TAT: variants seen among roughly 807,000 people sequenced by gnomAD.
The protein encoded by TAT is tyrosine aminotransferase, also known as L-tyrosine:2-oxoglutarate aminotransferase.
TAT carries 35 observed loss-of-function variants against 53.6 expected under a neutral mutation model. The observed-to-expected ratio is 0.65, with a 90% CI of 0.50 to 0.87. The LOEUF (loss-of-function observed/expected upper bound fraction) is 0.87, where lower values mean the gene tolerates loss of function less well. TAT is among the 40% of genes least tolerant of loss of function. The pLI, the probability that TAT is intolerant of heterozygous loss-of-function variation, is 0.00. For synonymous variants in TAT, 197 were observed against 206.5 expected (o/e 0.95, Z 0.39); for missense variants, 525 against 571.8 (o/e 0.92, Z 0.83).
intron 3 of TAT, chr16:71,575,479 A>ATGTGC (rs2145235336): frequency 5.3e-6 from 1 of 188,562 alleles, no homozygotes. Flanking sequence ...TTGCATTTCA[A>ATGTGC]TGTGCTCAGG....
intron 3 of TAT, among the ~76,000 whole-genome samples, chr16:71,574,824 G>A (rs2044225753): frequency 6.6e-6 from 1 of 152,106 alleles, no homozygotes; most frequent in Non-Finnish European, 1.5e-5. Context: ...AAGGCTAGAG[G>A]CACTATTTCA....
chr16:71,576,130 A>T, intron 2 of TAT, 51 bp downstream of exon 2: 1 of 1,609,242 alleles, frequency 6.2e-7, no homozygotes, highest in Non-Finnish European at 8.5e-7. Flanking sequence ...GCCTGTGAAC[A>T]TGAGAGTAGA....
chr16:71,572,053 T>A (rs1459541281), intron 6 of TAT, 133 bp downstream of exon 6: 2 of 1,119,498 alleles, frequency 1.8e-6, no homozygotes, highest in Non-Finnish European at 2.7e-6. Context: ...ACAGTATTGA[T>A]GAGAGACATC....
chr16:71,575,870 G>A, intron 3 of TAT, 52 bp downstream of exon 3: 3 of 1,481,428 alleles, frequency 2.0e-6, no homozygotes, highest in South Asian at 1.1e-5. Flanking sequence ...CCTGTTATAA[G>A]AGCACTAAAG....
At chr16:71,576,072 C>T (rs2044233022) in intron 2 of TAT, 46 bp from the exon 3 acceptor site, 1 of 1,611,294 alleles carries the variant, frequency 6.2e-7, no homozygotes, top group South Asian at 1.1e-5. Flanking sequence ...GGTTATTCTC[C>T]CATGTTCAGT....
At chr16:71,570,868 T>G (rs754307212) in intron 7 of TAT, 37 bp from the exon 8 acceptor site, 2 of 1,606,878 alleles carry the variant, frequency 1.2e-6, no homozygotes, top group African/African-American at 2.7e-5. Context: ...TTTTCTTGTC[T>G]ACTTCTCACT....
chr16:71,572,675 G>A lies in TAT; in HGVS notation c.422C>T (p.Thr141Ile). The A allele has an allele frequency of 6.2e-7, 1 of 1,614,232 alleles. No homozygotes were observed. Among genetic ancestry groups the A allele is most frequent in the Non-Finnish European group, 8.5e-7 (1 of 1,180,038 alleles). The part of the protein sequence containing the change: ...APLEAKDVIL[T>I]SGCSQAIDLC... ...GTCAATAGCTTGGCTGCAGCCACTTGTCAGAATGACGTCCTGTGAAGGAAA... is the reference window on the plus strand; with the variant it reads ...GTCAATAGCTTGGCTGCAGCCACTTATCAGAATGACGTCCTGTGAAGGAAA... Residue 141 changes from threonine to isoleucine, a missense_variant, in exon 5 of 12, where the codon ACA (threonine) becomes ATA (isoleucine). Transcript: ENST00000355962.
Position 71,566,743 on chromosome 16 carries a change from T to A in TAT, c.*1401A>T, listed in dbSNP as rs568065946. 5 of 151,958 alleles carry A rather than the reference T, an allele frequency of 3.3e-5. No individual in the cohort carries two copies. In the South Asian group the frequency reaches 1.0e-3, roughly 32 times the overall value. 9.4% of individuals were successfully genotyped at this position (151,958 alleles called of 1,614,324 possible). On this transcript the variant is annotated 3_prime_UTR_variant, in exon 12 of 12. Transcript: ENST00000355962. ...TAAGTAACTCCAAAAGTCAGTACAT[T>A]TACAAAGAAGTAAATGAAACCTCAT...
rs1236686678 is a variant in TAT, at chr16:71,574,564, G to A, written c.341-958C>T. Among the ~76,000 whole-genome samples, 5 of 113,138 alleles carry A rather than the reference G, an allele frequency of 4.4e-5. No homozygotes were observed. The Admixed American group carries it at 4.8e-4, about 11-fold the overall frequency. 74.2% of individuals were successfully genotyped at this position (113,138 alleles called of 152,430 possible). A position where few individuals can be genotyped will look rare whatever the true frequency, so the allele number is the denominator to read the frequency against. On this transcript the variant is annotated intron_variant, in intron 3 of 11. Transcript: ENST00000355962. ...CCACTGCACTCCGCCTGGGCAACAA[G>A]AGCGAAAACTTCGTCTCAAAAAAAA... is the stretch of plus-strand genomic sequence containing the variant.
In TAT at chr16:71,567,850, T is replaced by C; in HGVS notation, c.*294A>G. ...GTCTCAACTGCTTTCTGGTAAACTT[T>C]GTTCACCTGGTACTTTCAAGAAAAA... is the stretch of plus-strand genomic sequence containing the variant. On this transcript the variant is annotated 3_prime_UTR_variant, in exon 12 of 12. Transcript: ENST00000355962. 2.4e-6 allele frequency: 1 copy of C among 409,048 alleles called. No homozygotes were observed. Among genetic ancestry groups the C allele is most frequent in the Non-Finnish European group, 4.6e-6 (1 of 218,150 alleles). The allele number at this position is 409,048 out of a possible 1,614,324, so 25.3% of individuals were successfully genotyped here.
chr16:71,573,604 A>G lies in TAT; in HGVS notation c.343T>C (p.Phe115Leu), dbSNP rs1597054859. The G allele has an allele frequency of 6.4e-7, 1 of 1,553,084 alleles. No individual in the cohort carries two copies. The highest frequency in any genetic ancestry group is 1.2e-5 in the South Asian group (1 of 84,140). ...KYNGYAPSIG[F>L]LSSREEIASY... Reference sequence around the variant, plus strand: ...GCAATCTCCTCCCGACTGGATAGGAAGCCTGAAAGAAAAGAGTGGAAAGTG... The same window carrying G: ...GCAATCTCCTCCCGACTGGATAGGAGGCCTGAAAGAAAAGAGTGGAAAGTG... The change falls in exon 4 of 12, where the codon TTC becomes CTC. Residue 115 changes from phenylalanine to leucine, a missense_variant and splice_region_variant. Coordinates refer to ENST00000355962, the MANE Select transcript of TAT (RefSeq NM_000353.3).
intron 3 of TAT, among the ~76,000 whole-genome samples, chr16:71,574,401 A>AC (rs2044223289): frequency 6.6e-6 from 1 of 151,986 alleles, no homozygotes; most frequent in Non-Finnish European, 1.5e-5. Context: ...ACCAACATGG[A>AC]GAAATCTCAT....
intron 6 of TAT, 42 bp downstream of exon 6, chr16:71,572,144 T>G: frequency 6.2e-7 from 1 of 1,613,804 alleles, no homozygotes; most frequent in Non-Finnish European, 8.5e-7. Flanking sequence ...AGCTGAAGGA[T>G]TCTGTCCCCA....
intron 5 of TAT, 95 bp downstream of exon 5, chr16:71,572,435 A>G (rs1277991779): frequency 1.2e-6 from 2 of 1,606,522 alleles, no homozygotes; most frequent in Non-Finnish European, 1.7e-6. Context: ...GGCTTCAACC[A>G]CCACTTTGAG....
intron 1 of TAT, 22 bp from the exon 2 acceptor site, chr16:71,576,449 CT>C: frequency 6.2e-7 from 1 of 1,601,912 alleles, no homozygotes; most frequent in Non-Finnish European, 8.6e-7. Context: ...AAGAAGTTCC[CT>C]GTGATGTTGA....
chr16:71,571,930 A>T, intron 6 of TAT: 1 of 623,860 alleles, frequency 1.6e-6, no homozygotes, highest in Non-Finnish European at 2.8e-6. Context: ...CCTATCTTCA[A>T]CGTGATGGGA....
intron 10 of TAT, 69 bp downstream of exon 10, chr16:71,569,785 A>G: frequency 1.4e-6 from 2 of 1,474,776 alleles, no homozygotes; most frequent in African/African-American, 1.4e-5. Flanking sequence ...GCCTGTGGCA[A>G]TTCTGCTGAA....
rs897202406 is a variant in TAT, at chr16:71,566,451, G to A, written c.*1693C>T. On this transcript the variant is annotated 3_prime_UTR_variant, in exon 12 of 12. Coordinates refer to ENST00000355962, the MANE Select transcript of TAT (RefSeq NM_000353.3). ...TGAAGAAAAAATTAAACAGGCAACT[G>A]TGCCTATGAAGATTTGCGAAAAAAA... 3.6e-5 allele frequency: 5 copies of A among 137,034 alleles called. No individual in the cohort carries two copies. The South Asian group carries it at 1.2e-3, about 32-fold the overall frequency. 8.5% of individuals were successfully genotyped at this position (137,034 alleles called of 1,614,324 possible). A position where few individuals can be genotyped will look rare whatever the true frequency, so the allele number is the denominator to read the frequency against.
In TAT at chr16:71,568,778, A is replaced by C; in HGVS notation, c.1157T>G (p.Phe386Cys). ...VGIEMEHFPE[F>C]ENDVEFTERL... is the part of the protein sequence containing the mutation. ...CTCCGTGAACTCCACATCGTTCTCA[A>C]ATTCTGGGAAATGTTCCATCTCAAT... Residue 386 changes from phenylalanine (F) to cysteine (C), a missense_variant, in exon 11 of 12, where the codon TTT becomes TGT. Transcript: ENST00000355962. 2 of 1,614,004 alleles carry C rather than the reference A, an allele frequency of 1.2e-6. No homozygotes were observed. Among genetic ancestry groups the C allele is most frequent in the Middle Eastern group, 1.7e-4 (1 of 6,058 alleles).
Sources: gnomAD v4.1 joint callset for allele counts (sites outside exome capture counted in the v4.1 genomes callset) on GRCh38, gnomAD v4.1.1 for gene constraint, MANE v1.5 for transcripts, NCBI Gene and HGNC (gene_info 2026-07-23, HGNC 2026-07-21) for gene names.